The following ZNF577 variants were observed in gnomAD, a reference collection of about 807,000 sequenced individuals.
ZNF577 encodes zinc finger protein 577.
Under a neutral mutation model 13.9 loss-of-function variants are expected in ZNF577, and 14 were observed. The observed-to-expected ratio is 1.00, with a 90% CI of 0.66 to 1.57. The LOEUF (loss-of-function observed/expected upper bound fraction) is 1.57. Among genes scored for constraint, ZNF577 ranks in the 40% most tolerant of loss-of-function variants. The pLI is 0.00. For missense variants in ZNF577, 555 were observed against 579.2 expected (o/e 0.96, Z 0.43); for synonymous variants, 203 against 202.9 (o/e 1.00, Z 0.00).
intron 10 of ZNF577, among the ~76,000 whole-genome samples, chr19:51,808,642 C>T (rs916291590): frequency 1.3e-5 from 2 of 152,224 alleles, no homozygotes; most frequent in South Asian, 2.1e-4. Flanking sequence ...TTATCCTTCT[C>T]GTGTAAGGGT....
Position 51,877,291 on chromosome 19 carries a change from T to C in ZNF577, c.274A>G (p.Ile92Val). The C allele has an allele frequency of 6.2e-7, 1 of 1,613,968 alleles. No homozygotes were observed. Among genetic ancestry groups the C allele is most frequent in the Non-Finnish European group, 8.5e-7 (1 of 1,179,908 alleles). ...GIAEGAAHSQ[I>V]CPGFVIQSRR... ...GTTTTCACTCACTTACCTGGACAGA[T>C]TTGACTGTGGGCTGCTCCTTCTGCT... The change falls in exon 5 of 6, where the codon ATC (isoleucine) becomes GTC (valine). Residue 92 changes from isoleucine (I) to valine (V), a missense_variant. Coordinates refer to ENST00000638348, the MANE Select transcript of ZNF577 (RefSeq NM_001370449.1).
chr19:51,859,695 C>T (rs771776305), intron 5 of ZNF577, among the ~76,000 whole-genome samples: 2 of 152,042 alleles, frequency 1.3e-5, no homozygotes, highest in Admixed American at 1.3e-4. Flanking sequence ...TTCACACTTA[C>T]GTGGTATAAT....
At chr19:51,805,651 G>A (rs2084053679) in intron 10 of ZNF577, among the ~76,000 whole-genome samples, 1 of 152,192 alleles carries the variant, frequency 6.6e-6, no homozygotes, top group East Asian at 1.9e-4. Context: ...ACTTCAGTTT[G>A]TAACTCAGTG....
intron 9 of ZNF577, among the ~76,000 whole-genome samples, chr19:51,814,333 G>T (rs1191329824): frequency 6.6e-6 from 1 of 152,232 alleles, no homozygotes; most frequent in East Asian, 1.9e-4. Flanking sequence ...TAAATTTGTT[G>T]TAATTTTGTC....
intron 9 of ZNF577, among the ~76,000 whole-genome samples, chr19:51,837,819 T>G (rs2084296535): frequency 6.6e-6 from 1 of 152,202 alleles, no homozygotes; most frequent in Admixed American, 6.5e-5. Flanking sequence ...CCATTTTCAT[T>G]TATAAGTATA....
At chr19:51,854,496 ATT>A (rs780953746) in intron 5 of ZNF577, among the ~76,000 whole-genome samples, 38 of 123,174 alleles carry the variant, frequency 3.1e-4, no homozygotes, top group Admixed American at 2.5e-4. Flanking sequence ...GCCCAGCTAA[ATT>A]TTTTTTTTTT....
At chr19:51,864,413 A>G (rs896656948), downstream of ZNF577, among the ~76,000 whole-genome samples, 27 of 152,232 alleles carry the variant, frequency 1.8e-4, no homozygotes, top group Middle Eastern at 3.4e-3. Flanking sequence ...TCCCGCATTT[A>G]TTTTCATAAA....
At chr19:51,866,712 T>C (rs893653524), downstream of ZNF577, among the ~76,000 whole-genome samples, 5 of 152,242 alleles carry the variant, frequency 3.3e-5, no homozygotes, top group African/African-American at 9.6e-5. Context: ...CCAGTTGTGG[T>C]GGCTCATGCC....
In ZNF577 at chr19:51,871,099, A is replaced by G. The variant is rs572294811; in HGVS notation, c.*1433T>C. Among the ~76,000 whole-genome samples, 7 of 152,138 alleles carry G rather than the reference A, an allele frequency of 4.6e-5. No homozygotes were observed. In the South Asian group the frequency reaches 1.2e-3, roughly 27 times the overall value. ...TTCCGTACTCATAATGAAGTATGTT[A>G]GTTTCTTTTCCCCCCTTTTTTAGAG... is the stretch of plus-strand genomic sequence containing the variant. On this transcript the variant is annotated 3_prime_UTR_variant, in exon 6 of 6. Coordinates refer to ENST00000638348, the MANE Select transcript of ZNF577 (RefSeq NM_001370449.1).
intron 10 of ZNF577, among the ~76,000 whole-genome samples, chr19:51,807,783 G>A (rs987368176): frequency 1.1e-4 from 17 of 152,204 alleles, no homozygotes; most frequent in African/African-American, 3.4e-4. Context: ...CCAGGCAGTC[G>A]ACATTTCCCA....
At chr19:51,822,345 A>C (rs1453652115) in intron 9 of ZNF577, among the ~76,000 whole-genome samples, 1 of 152,198 alleles carries the variant, frequency 6.6e-6, no homozygotes, top group Admixed American at 6.5e-5. Flanking sequence ...TATGCCCGCA[A>C]AGATGGAGGA....
intron 5 of ZNF577, among the ~76,000 whole-genome samples, chr19:51,848,668 A>G (rs187992386): frequency 6.6e-5 from 10 of 152,306 alleles, no homozygotes; most frequent in African/African-American, 2.2e-4. Context: ...CAAGAAAAGC[A>G]TTTGTAGCTC....
At chr19:51,807,532 G>A (rs1039290185) in intron 10 of ZNF577, among the ~76,000 whole-genome samples, 1 of 152,178 alleles carries the variant, frequency 6.6e-6, no homozygotes, top group Non-Finnish European at 1.5e-5. Context: ...ACAGCTGACT[G>A]CAACTAGCTC....
chr19:51,815,977 G>A (rs4802870), intron 9 of ZNF577, among the ~76,000 whole-genome samples: 19,645 of 151,986 alleles, frequency 0.13, 1,485 homozygotes, highest in South Asian at 0.29. Context: ...TGAGGTGGGA[G>A]GATCACTTGA....
In ZNF577 at chr19:51,820,162, C is replaced by G. The variant is rs529946675; in HGVS notation, c.*600-8488G>C. 2.6e-5 allele frequency among the ~76,000 whole-genome samples: 4 copies of G among 152,222 alleles called. No individual in the cohort carries two copies. In the South Asian group the frequency reaches 8.3e-4, roughly 32 times the overall value. On this transcript the variant is annotated intron_variant and NMD_transcript_variant, in intron 9 of 10. Coordinates refer to the ZNF577 transcript ENST00000638827. ...TTAGTTTGAGGAGAAAGCAGAAGGG[C>G]TGAATGTTATTTTAATGCATCAGAA...
chr19:51,850,103 T>A (rs566916348), intron 5 of ZNF577, among the ~76,000 whole-genome samples: 1 of 152,308 alleles, frequency 6.6e-6, no homozygotes, highest in Non-Finnish European at 1.5e-5. Context: ...TGGGCGGTGG[T>A]GGAACTTATG....
rs117369357 is a variant in ZNF577, at chr19:51,882,223, G to A, written c.-218-1346C>T. ...AGATCTCCAGGGTTGAAAAATCCAG[G>A]ATCCAACCATTCCCAGAAGCTCATG... On this transcript the variant is annotated intron_variant, in intron 1 of 5. Coordinates refer to ENST00000638348, the MANE Select transcript of ZNF577 (RefSeq NM_001370449.1). 4.9e-4 allele frequency among the ~76,000 whole-genome samples: 75 copies of A among 152,158 alleles called. No individual in the cohort carries two copies. In the East Asian group the frequency reaches 0.014, roughly 27 times the overall value.
At position 51,880,712 on chromosome 19, in the gene ZNF577, G is replaced by A. The variant is rs1308425420; in HGVS notation, c.-53C>T. On this transcript the variant is annotated 5_prime_UTR_variant, in exon 2 of 6. Transcript: ENST00000638348. ...TGCCCATTTCGTTCAACTCTTAGGGGCTAGCAACTCTAGTATGTTCTCTCT... is the reference window on the plus strand; with the variant it reads ...TGCCCATTTCGTTCAACTCTTAGGGACTAGCAACTCTAGTATGTTCTCTCT... 4 of 319,658 alleles carry A rather than the reference G, an allele frequency of 1.3e-5. No homozygotes were observed. Among genetic ancestry groups the A allele is most frequent in the Non-Finnish European group, 1.8e-5 (3 of 170,174 alleles). 19.8% of individuals were successfully genotyped at this position (319,658 alleles called of 1,614,324 possible).
chr19:51,815,941 C>A (rs2084133180), intron 9 of ZNF577, among the ~76,000 whole-genome samples: 1 of 151,870 alleles, frequency 6.6e-6, no homozygotes, highest in Admixed American at 6.6e-5. Context: ...GTTCCAGGTA[C>A]CTACAGTCCC....
Sources: allele counts gnomAD v4.1 joint callset (sites outside exome capture counted in the v4.1 genomes callset), GRCh38; gene constraint gnomAD v4.1.1; transcripts MANE v1.5; gene names NCBI Gene and HGNC (gene_info 2026-07-23, HGNC 2026-07-21).